Variants in AOX1 observed in about 807,000 individuals in gnomAD.
The protein encoded by AOX1 is aldehyde oxidase 1.
AOX1 carries 153 observed loss-of-function variants against 169.5 expected under a neutral mutation model. The ratio of observed to expected loss-of-function variants is 0.90; its 90% CI spans 0.79 to 1.03. AOX1 has a LOEUF of 1.03. Ranked by LOEUF, AOX1 falls within the 50% of genes least tolerant of loss-of-function variation. AOX1 has a pLI of 0.00. For missense variants in AOX1, 1,656 were observed against 1,663.9 expected (o/e 1.00, Z 0.08); for synonymous variants, 562 against 581.9 (o/e 0.97, Z 0.49).
intron 10 of AOX1, among the ~76,000 whole-genome samples, chr2:200,608,525 T>C (rs1340006769): frequency 6.6e-6 from 1 of 152,220 alleles, no homozygotes; most frequent in African/African-American, 2.4e-5. Context: ...GACAATGGCA[T>C]ATATTAGCTG....
chr2:200,655,018 G>A (rs2035654478), intron 26 of AOX1, among the ~76,000 whole-genome samples: 1 of 152,202 alleles, frequency 6.6e-6, no homozygotes. Flanking sequence ...TGTTGGAAAA[G>A]TATAATCCAC....
intron 19 of AOX1, 81 bp downstream of exon 19, chr2:200,624,064 G>T: frequency 6.3e-7 from 1 of 1,576,746 alleles, no homozygotes; most frequent in Non-Finnish European, 8.7e-7. Context: ...ACTGTAACAG[G>T]AAAATGTGGC....
chr2:200,666,794 C>G (rs201623772), intron 32 of AOX1, 42 bp downstream of exon 32: 32 of 1,477,434 alleles, frequency 2.2e-5, no homozygotes, highest in African/African-American at 4.2e-5. Flanking sequence ...TTGTAAAAGC[C>G]AAAAGTGCGG....
chr2:200,666,334 G>A (rs1250904688), intron 31 of AOX1, among the ~76,000 whole-genome samples: 3 of 152,312 alleles, frequency 2.0e-5, no homozygotes, highest in South Asian at 2.1e-4. Context: ...AACTAGGATC[G>A]TGAGGGCCAT....
chr2:200,599,408 A>G (rs1055352715), intron 4 of AOX1, among the ~76,000 whole-genome samples: 1 of 152,192 alleles, frequency 6.6e-6, no homozygotes, highest in East Asian at 1.9e-4. Context: ...CCACTGCCTT[A>G]AGTGAAGCTC....
chr2:200,631,706 CCTT>C (rs2105735885), intron 20 of AOX1, among the ~76,000 whole-genome samples: 1 of 152,272 alleles, frequency 6.6e-6, no homozygotes, highest in South Asian at 2.1e-4. Context: ...TAAAACTTTC[CCTT>C]CTTTACAGAT....
chr2:200,638,376 T>C lies in AOX1; in HGVS notation c.2568+74T>C, dbSNP rs894086008. 8 of 1,341,708 alleles carry C rather than the reference T, an allele frequency of 6.0e-6. No individual in the cohort carries two copies. The African/African-American group carries it at 1.2e-4, about 19-fold the overall frequency. 83.1% of individuals were successfully genotyped at this position (1,341,708 alleles called of 1,614,324 possible). A position where few individuals can be genotyped will look rare whatever the true frequency, so the allele number is the denominator to read the frequency against. ...TCCTATCAGTGCGCAGGGCAGTCTTTGGCTACTCTCTAGTGGGGAGTAACA... is the reference window on the plus strand; with the variant it reads ...TCCTATCAGTGCGCAGGGCAGTCTTCGGCTACTCTCTAGTGGGGAGTAACA... On this transcript the variant is annotated intron_variant, in intron 23 of 34. Transcript: ENST00000374700.
At chr2:200,674,718 T>C (rs2036073250), downstream of AOX1, among the ~76,000 whole-genome samples, 1 of 152,188 alleles carries the variant, frequency 6.6e-6, no homozygotes, top group South Asian at 2.1e-4. Flanking sequence ...ATGCTGATGC[T>C]GAACATCCAA....
At chr2:200,672,050 G>A (rs1021073362), downstream of AOX1, among the ~76,000 whole-genome samples, 3 of 152,120 alleles carry the variant, frequency 2.0e-5, no homozygotes, top group African/African-American at 7.2e-5. Flanking sequence ...AGGCACAAAA[G>A]GCTGCATATT....
At chr2:200,631,777 C>G (rs916212319) in intron 20 of AOX1, among the ~76,000 whole-genome samples, 1 of 152,114 alleles carries the variant, frequency 6.6e-6, no homozygotes, top group Non-Finnish European at 1.5e-5. Flanking sequence ...AATAAAGTGA[C>G]TACTTAACAA....
intron 25 of AOX1, among the ~76,000 whole-genome samples, chr2:200,647,107 C>T (rs2035469470): frequency 6.6e-6 from 1 of 150,660 alleles, no homozygotes. Context: ...ATTTGCCATG[C>T]TTTTTGTTGC....
rs1262310605 is a variant in AOX1, at chr2:200,656,918, T to C, written c.3152T>C (p.Val1051Ala). 6.3e-7 allele frequency: 1 copy of C among 1,578,964 alleles called. No individual in the cohort carries two copies. The highest frequency in any genetic ancestry group is 8.6e-7 in the Non-Finnish European group (1 of 1,161,902). The stretch of plus-strand genomic sequence containing the variant: ...GGTGGAATTGAAATGGGGCAGGGGG[T>C]CCACACTAAAATGATTCAGGTAAGA... ...THGGIEMGQG[V>A]HTKMIQVVSR... The change falls in exon 27 of 35, where the codon GTC becomes GCC. Residue 1051 changes from valine to alanine, a missense_variant. Val to Ala is a moderately conservative substitution (Grantham distance 64, BLOSUM62 0). Transcript: ENST00000374700.
chr2:200,615,631 A>G (rs1026145768), intron 15 of AOX1, among the ~76,000 whole-genome samples: 2 of 152,150 alleles, frequency 1.3e-5, no homozygotes, highest in African/African-American at 4.8e-5. Context: ...TATTTTATTT[A>G]CTTAGCTTCT....
chr2:200,620,925 A>G lies in AOX1; in HGVS notation c.1874+106A>G, dbSNP rs545270088. 4 of 1,376,870 alleles carry G rather than the reference A, an allele frequency of 2.9e-6. No individual in the cohort carries two copies. In the South Asian group the frequency reaches 5.4e-5, roughly 18 times the overall value. 85.3% of individuals were successfully genotyped at this position (1,376,870 alleles called of 1,614,324 possible). ...AAGAAATAGGCTATTTGTTGGTGATATCCAATGCAGACCAGAGGTGAAACA... is the reference window on the plus strand; with the variant it reads ...AAGAAATAGGCTATTTGTTGGTGATGTCCAATGCAGACCAGAGGTGAAACA... On this transcript the variant is annotated intron_variant, in intron 17 of 34. Transcript: ENST00000374700.
chr2:200,656,404 G>T (rs2035685687), intron 26 of AOX1, among the ~76,000 whole-genome samples: 1 of 152,138 alleles, frequency 6.6e-6, no homozygotes. Flanking sequence ...TCCTTGTGGG[G>T]AGCTATACAG....
At chr2:200,634,970 A>C in intron 21 of AOX1, 55 bp downstream of exon 21, 1 of 1,595,786 alleles carries the variant, frequency 6.3e-7, no homozygotes, top group Non-Finnish European at 8.5e-7. Flanking sequence ...GGCCAGTGAA[A>C]TATATCAAGA....
rs2035760114 is a variant in AOX1, at chr2:200,659,203, C to G, written c.3210C>G (p.Val1070=). The G allele has an allele frequency of 6.2e-7, 1 of 1,613,788 alleles. No homozygotes were observed. The highest frequency in any genetic ancestry group is 8.5e-7 in the Non-Finnish European group (1 of 1,179,856). ...AATTAAGAATGCCAATGTCGAATGT[C>G]CACCTGCGTGGAACAAGCACAGAAA... ...SRELRMPMSN[V]HLRGTSTETV... Residue 1070 remains valine (V), a synonymous_variant, in exon 28 of 35, where the codon GTC becomes GTG. Coordinates refer to ENST00000374700, the MANE Select transcript of AOX1 (RefSeq NM_001159.4).
intron 13 of AOX1, among the ~76,000 whole-genome samples, chr2:200,612,121 C>T (rs2034653298): frequency 6.6e-6 from 1 of 152,090 alleles, no homozygotes; most frequent in Admixed American, 6.5e-5. Context: ...TATGCCTCTA[C>T]CTATATCTTG....
chr2:200,657,318 G>A (rs2035716992), intron 27 of AOX1, among the ~76,000 whole-genome samples: 1 of 150,218 alleles, frequency 6.7e-6, no homozygotes, highest in Non-Finnish European at 1.5e-5. Flanking sequence ...TTGCACCAAT[G>A]TACTCCAGCC....
Sources: allele counts gnomAD v4.1 joint callset (sites outside exome capture counted in the v4.1 genomes callset), GRCh38; gene constraint gnomAD v4.1.1; transcripts MANE v1.5; gene names NCBI Gene and HGNC (gene_info 2026-07-23, HGNC 2026-07-21).